SEC23A: variants seen among roughly 807,000 people sequenced by gnomAD.
SEC23A encodes SEC23 homolog A, COPII component, also known as protein transport protein Sec23A.
Under a neutral mutation model 103.7 loss-of-function variants are expected in SEC23A, and 56 were observed. The observed-to-expected ratio is 0.54, with a 90% CI of 0.44 to 0.67. The LOEUF is 0.67. Ranked by LOEUF, SEC23A falls within the 30% of genes least tolerant of loss-of-function variation. The pLI, the probability that SEC23A is intolerant of heterozygous loss-of-function variation, is 0.00. For missense variants in SEC23A, 784 were observed against 936.4 expected (o/e 0.84, Z 2.12); for synonymous variants, 281 against 293.0 (o/e 0.96, Z 0.42).
chr14:39,071,372 G>A (rs1446918169), intron 9 of SEC23A, among the ~76,000 whole-genome samples: 1 of 152,110 alleles, frequency 6.6e-6, no homozygotes. Context: ...AGGCCAAGAC[G>A]GGCAGATAAC....
At chr14:39,057,565 C>T (rs993800732) in intron 13 of SEC23A, among the ~76,000 whole-genome samples, 1 of 152,130 alleles carries the variant, frequency 6.6e-6, no homozygotes, top group Admixed American at 6.5e-5. Flanking sequence ...GAGGGTCTCA[C>T]TATGTTGCCC....
intron 13 of SEC23A, among the ~76,000 whole-genome samples, chr14:39,057,678 T>A (rs1886296226): frequency 6.6e-6 from 1 of 152,180 alleles, no homozygotes; most frequent in Non-Finnish European, 1.5e-5. Context: ...AATAAAAGAT[T>A]TTTACAAGTA....
At chr14:39,047,086 A>G (rs1046961426) in intron 15 of SEC23A, among the ~76,000 whole-genome samples, 1 of 152,210 alleles carries the variant, frequency 6.6e-6, no homozygotes, top group African/African-American at 2.4e-5. Context: ...GGGGATGAAG[A>G]CTTCCCTTAA....
chr14:39,053,841 C>T (rs541599802), intron 14 of SEC23A, among the ~76,000 whole-genome samples: 2 of 152,302 alleles, frequency 1.3e-5, no homozygotes, highest in East Asian at 3.9e-4. Flanking sequence ...GCATTAAGAA[C>T]TGAGCTTAGC....
chr14:39,070,836 G>A (rs1886817929), intron 9 of SEC23A, among the ~76,000 whole-genome samples: 1 of 152,114 alleles, frequency 6.6e-6, no homozygotes, highest in Non-Finnish European at 1.5e-5. Flanking sequence ...AGACTAGCCT[G>A]ACCAACATGG....
chr14:39,100,135 C>T (rs1028078894), intron 1 of SEC23A, among the ~76,000 whole-genome samples: 2 of 152,076 alleles, frequency 1.3e-5, no homozygotes, highest in African/African-American at 2.4e-5. Context: ...CACATTTTTT[C>T]CTCTCAATCT....
chr14:39,075,866 A>G, intron 8 of SEC23A, 69 bp downstream of exon 8: 1 of 1,333,408 alleles, frequency 7.5e-7, no homozygotes, highest in Non-Finnish European at 1.1e-6. Flanking sequence ...AACTATTTGT[A>G]TTCTTCTTCT....
intron 17 of SEC23A, among the ~76,000 whole-genome samples, chr14:39,041,673 C>G (rs901726074): frequency 6.6e-6 from 1 of 151,892 alleles, no homozygotes; most frequent in South Asian, 2.1e-4. Context: ...AGTTCGAGAC[C>G]AGCCTGGCCA....
Position 39,042,991 on chromosome 14 carries a change from T to A in SEC23A, c.1900-119A>T, listed in dbSNP as rs186169338. 3.4e-4 allele frequency: 242 copies of A among 705,148 alleles called. 1 individual carries two copies. The highest frequency in any genetic ancestry group is 1.0e-3 in the African/African-American group (57 of 54,452). The allele number at this position is 705,148 out of a possible 1,614,324, so 43.7% of individuals were successfully genotyped here. A position where few individuals can be genotyped will look rare whatever the true frequency, so the allele number is the denominator to read the frequency against. ...CTTTTATTTATTTATTTATTTATTT[T>A]TTTGGAGAAGGGTCTTGCTCTGTCA... is the stretch of plus-strand genomic sequence containing the variant. On this transcript the variant is annotated intron_variant, in intron 16 of 19. Coordinates refer to ENST00000307712, the MANE Select transcript of SEC23A (RefSeq NM_006364.4).
chr14:39,055,346 A>G, intron 13 of SEC23A, 50 bp from the exon 14 acceptor site: 1 of 1,564,996 alleles, frequency 6.4e-7, no homozygotes, highest in East Asian at 2.2e-5. Flanking sequence ...TTATACCCAC[A>G]ATATCATAGT....
At chr14:39,050,529 A>G (rs565047195) in intron 14 of SEC23A, among the ~76,000 whole-genome samples, 1 of 152,376 alleles carries the variant, frequency 6.6e-6, no homozygotes, top group South Asian at 2.1e-4. Context: ...AAGTCTGATT[A>G]GATGAAGTGT....
At chr14:39,055,002 C>A in intron 14 of SEC23A, 141 bp downstream of exon 14, 2 of 908,058 alleles carry the variant, frequency 2.2e-6, no homozygotes. Context: ...TACTGTGCTA[C>A]TGTCTCAGTA....
intron 9 of SEC23A, among the ~76,000 whole-genome samples, chr14:39,067,666 C>CTTTTTT (rs762046832): frequency 1.2e-5 from 1 of 82,168 alleles, no homozygotes; most frequent in Non-Finnish European, 2.3e-5. Flanking sequence ...CATGCATTCT[C>CTTTTTT]TTTTTTTTTT....
At chr14:39,081,358 A>G (rs1333665591) in intron 7 of SEC23A, among the ~76,000 whole-genome samples, 1 of 152,248 alleles carries the variant, frequency 6.6e-6, no homozygotes, top group African/African-American at 2.4e-5. Flanking sequence ...AAGTTTAAAC[A>G]TTCAACAGCC....
At chr14:39,048,775 G>A (rs1446298265) in intron 14 of SEC23A, 46 bp from the exon 15 acceptor site, 2 of 1,011,072 alleles carry the variant, frequency 2.0e-6, no homozygotes, top group Non-Finnish European at 3.1e-6. Flanking sequence ...TGGAATAAAA[G>A]CTAACACTGT....
chr14:39,053,615 CTGAATGA>C (rs1480453049), intron 14 of SEC23A, among the ~76,000 whole-genome samples: 1 of 151,378 alleles, frequency 6.6e-6, no homozygotes, highest in African/African-American at 2.4e-5. Flanking sequence ...CAAAAAAGTT[CTGAATGA>C]TGATATAAAA....
intron 2 of SEC23A, among the ~76,000 whole-genome samples, chr14:39,095,570 T>C (rs1887856786): frequency 6.6e-6 from 1 of 152,158 alleles, no homozygotes; most frequent in Non-Finnish European, 1.5e-5. Flanking sequence ...GTGCTGGGAT[T>C]ACAGGCATGA....
At chr14:39,088,084 A>G (rs1055374165) in intron 5 of SEC23A, 4 of 152,202 alleles carry the variant, frequency 2.6e-5, no homozygotes, top group African/African-American at 4.8e-5. Flanking sequence ...ATTCCTTTCT[A>G]TGAAGGATGA....
At position 39,039,114 on chromosome 14, in the gene SEC23A, A is replaced by T. The variant is rs748269480; in HGVS notation, c.2143-18T>A. The stretch of plus-strand genomic sequence containing the variant: ...AAACGGGCCTTAAAAGCAAAGAAGA[A>T]ATAACATTATCCATCAAAAATGGTT... On this transcript the variant is annotated intron_variant, in intron 18 of 19. Transcript: ENST00000307712. 6.2e-7 allele frequency: 1 copy of T among 1,606,346 alleles called. No individual in the cohort carries two copies. The highest frequency in any genetic ancestry group is 8.5e-7 in the Non-Finnish European group (1 of 1,173,158).
Sources: allele counts gnomAD v4.1 joint callset (sites outside exome capture counted in the v4.1 genomes callset), GRCh38; gene constraint gnomAD v4.1.1; transcripts MANE v1.5; gene names NCBI Gene and HGNC (gene_info 2026-07-23, HGNC 2026-07-21).